Variants in INA observed in about 807,000 individuals in gnomAD.
The protein encoded by INA is alpha-internexin.
In INA, 35 loss-of-function variants were observed where a neutral mutation model predicts 40.1. The observed-to-expected ratio is 0.87, with a 90% CI of 0.67 to 1.16. The LOEUF is 1.16. Among genes scored for constraint, INA ranks in the 50% most tolerant of loss-of-function variants. The pLI is 0.00. For synonymous variants in INA, 290 were observed against 316.9 expected, an observed-to-expected ratio of 0.92 and a Z score of 0.90; for missense variants, 594 against 686.7, an observed-to-expected ratio of 0.87 and a Z score of 1.51.
In INA at chr10:103,278,567, C is replaced by T. The variant is rs1233998742; in HGVS notation, c.1065+291C>T. On this transcript the variant is annotated intron_variant, in intron 1 of 2. Coordinates refer to ENST00000369849, the MANE Select transcript of INA (RefSeq NM_032727.4). The surrounding 1 kb of genome is among the most constrained non-coding windows in gnomAD (Gnocchi z 4.9). ...CTGTCAGCAAGCGGGCCTACACACA[C>T]CGGCGACCCGGAGAACAGTGCCCCA... 6.6e-6 allele frequency among the ~76,000 whole-genome samples: 1 copy of T among 152,220 alleles called. No homozygotes were observed. The highest frequency in any genetic ancestry group is 1.5e-5 in the Non-Finnish European group (1 of 68,046).
Position 103,277,242 on chromosome 10 carries a change from T to G in INA, c.31T>G (p.Ser11Ala). ...CTTCGGCTCGGAGCACTACCTGTGC[T>G]CCTCCTCCTCCTACCGCAAGGTGTT... MSFGSEHYLC[S>A]SSSYRKVFGD... is the part of the protein sequence containing the mutation. The change falls in exon 1 of 3, where the codon TCC (serine) becomes GCC (alanine). Residue 11 changes from serine to alanine, a missense_variant. Ser to Ala is a moderately conservative substitution (Grantham distance 99). Around this residue, in one of 2 missense-constraint regions of INA, gnomAD observed 215 missense variants for 190.6 expected, o/e 1.13. Coordinates refer to ENST00000369849, the MANE Select transcript of INA (RefSeq NM_032727.4). This position sits in a 1 kb window ranked among gnomAD's most constrained non-coding sequence, Gnocchi z 5.6. 1 of 1,583,796 alleles carries G rather than the reference T, an allele frequency of 6.3e-7. No homozygotes were observed. The highest frequency in any genetic ancestry group is 8.6e-7 in the Non-Finnish European group (1 of 1,168,596).
Position 103,277,176 on chromosome 10 carries a change from C to A in INA, c.-36C>A. 1 of 1,540,796 alleles carries A rather than the reference C, an allele frequency of 6.5e-7. No homozygotes were observed. The highest frequency in any genetic ancestry group is 8.7e-7 in the Non-Finnish European group (1 of 1,150,042). ...CACCTCTCCTTTCTTCTGTAGCTCG[C>A]GTTGAAGCCGCACGTCCGGCCCCGA... On this transcript the variant is annotated 5_prime_UTR_variant, in exon 1 of 3. Transcript: ENST00000369849. The surrounding 1 kb of genome is among the most constrained non-coding windows in gnomAD (Gnocchi z 5.6).
In INA at chr10:103,277,268, C is replaced by A. The variant is rs1344687968; in HGVS notation, c.57C>A (p.Phe19Leu). The A allele has an allele frequency of 6.3e-7, 1 of 1,592,194 alleles. No individual in the cohort carries two copies. The highest frequency in any genetic ancestry group is 1.7e-5 in the Admixed American group (1 of 59,044). The change falls in exon 1 of 3, where the codon TTC becomes TTA. Residue 19 changes from phenylalanine (F) to leucine (L), a missense_variant. Phe to Leu is a conservative substitution (Grantham distance 22). Transcript: ENST00000369849. The surrounding 1 kb of genome is among the most constrained non-coding windows in gnomAD (Gnocchi z 5.6). ...LCSSSSYRKV[F>L]GDGSRLSARL... is the part of the protein sequence containing the mutation. Reference sequence around the variant, plus strand: ...CCTCCTCCTCCTACCGCAAGGTGTTCGGGGATGGCTCTCGCCTGTCCGCCC... The same window carrying A: ...CCTCCTCCTCCTACCGCAAGGTGTTAGGGGATGGCTCTCGCCTGTCCGCCC...
At position 103,288,523 on chromosome 10, in the gene INA, G is replaced by A; in HGVS notation, c.1354G>A (p.Glu452Lys). The change falls in exon 3 of 3, where the codon GAG becomes AAG. Residue 452 changes from glutamate to lysine, a missense_variant. Glu to Lys is a moderately conservative substitution (Grantham distance 56). Around this residue, in one of 2 missense-constraint regions of INA, gnomAD observed 379 missense variants for 496.1 expected, o/e 0.76. Coordinates refer to ENST00000369849, the MANE Select transcript of INA (RefSeq NM_032727.4). Reference protein sequence around the residue: ...TGLSLKKEEEEEEASKVASKK... With the variant: ...TGLSLKKEEEKEEASKVASKK... ...GCTATCACTTAAGAAAGAGGAGGAG[G>A]AGGAGGAGGCATCTAAGGTAGCCTC... The A allele has an allele frequency of 1.2e-6, 2 of 1,613,886 alleles. No individual in the cohort carries two copies. The highest frequency in any genetic ancestry group is 1.7e-6 in the Non-Finnish European group (2 of 1,179,984).
rs2093070618 is a variant in INA, at chr10:103,280,664, C to T, written c.1065+2388C>T. 4.1e-6 allele frequency: 4 copies of T among 985,312 alleles called. No individual in the cohort carries two copies. In the South Asian group the frequency reaches 1.4e-4, roughly 35 times the overall value. The allele number at this position is 985,312 out of a possible 1,614,324, so 61.0% of individuals were successfully genotyped here. A position where few individuals can be genotyped will look rare whatever the true frequency, so the allele number is the denominator to read the frequency against. ...CTATTTAAGGAGAGAAAGCTTCTTA[C>T]ACTTTTGAAAGGGTAAAAAATGATT... is the stretch of plus-strand genomic sequence containing the variant. On this transcript the variant is annotated intron_variant, in intron 1 of 2. Transcript: ENST00000369849.
chr10:103,281,400 A>C (rs777724812), intron 1 of INA, among the ~76,000 whole-genome samples: 1 of 152,214 alleles, frequency 6.6e-6, no homozygotes, highest in Admixed American at 6.5e-5. Context: ...TCAGCAGTTC[A>C]CAGGTAGGGC....
At chr10:103,280,048 T>A in intron 1 of INA, 1 of 1,273,544 alleles carries the variant, frequency 7.9e-7, no homozygotes, top group East Asian at 5.6e-5. Context: ...CTTCTCCATT[T>A]TCTCTGCTTG....
Position 103,277,512 on chromosome 10 carries a change from C to T in INA, c.301C>T (p.Leu101Phe), listed in dbSNP as rs994747200. Residue 101 changes from leucine (L) to phenylalanine (F), a missense_variant, in exon 1 of 3, where the codon CTC (leucine) becomes TTC (phenylalanine). Around this residue, in one of 2 missense-constraint regions of INA, gnomAD observed 215 missense variants for 190.6 expected, o/e 1.13. Transcript: ENST00000369849. This position sits in a 1 kb window ranked among gnomAD's most constrained non-coding sequence, Gnocchi z 5.6. ...CAACGAGAAGGAGCAGCTGCAGGGC[C>T]TCAACGACCGCTTCGCCGTGTTCAT... ...RTNEKEQLQGLNDRFAVFIEK... is the reference protein window; with the variant it reads ...RTNEKEQLQGFNDRFAVFIEK... 6.3e-6 allele frequency: 10 copies of T among 1,588,514 alleles called. No homozygotes were observed. The highest frequency in any genetic ancestry group is 8.5e-6 in the Non-Finnish European group (10 of 1,170,954).
intron 1 of INA, chr10:103,279,901 A>T: frequency 7.8e-7 from 1 of 1,279,754 alleles, no homozygotes; most frequent in Non-Finnish European, 1.0e-6. Context: ...GGCCTGAATT[A>T]ATCACATTTG....
rs1161757486 is a variant in INA at position 103,278,080 on chromosome 10, A to G, written c.869A>G (p.Lys290Arg). 6.2e-7 allele frequency: 1 copy of G among 1,613,552 alleles called. No homozygotes were observed. Among genetic ancestry groups the G allele is most frequent in the East Asian group, 2.2e-5 (1 of 44,868 alleles). The stretch of plus-strand genomic sequence containing the variant: ...TCCGCGGAAGAATGGTACAAGTCCA[A>G]GTTTGCCAACCTGAACGAGCAGGCG... ...LQSAEEWYKS[K>R]FANLNEQAAR... Residue 290 changes from lysine (K) to arginine (R), a missense_variant, in exon 1 of 3, where the codon AAG (lysine) becomes AGG (arginine). Around this residue, in one of 2 missense-constraint regions of INA, gnomAD observed 379 missense variants for 496.1 expected, o/e 0.76. Transcript: ENST00000369849. The surrounding 1 kb of genome is among the most constrained non-coding windows in gnomAD (Gnocchi z 4.9).
At chr10:103,280,879 G>C in intron 1 of INA, 1 of 985,436 alleles carries the variant, frequency 1.0e-6, no homozygotes, top group Non-Finnish European at 1.2e-6. Flanking sequence ...GGCACCATTA[G>C]AGTCCTAGTT....
Position 103,277,851 on chromosome 10 carries a change from GAGA to G in INA, c.646_648del (p.Lys216del), listed in dbSNP as rs1357531047. The G allele has an allele frequency of 6.5e-7, 1 of 1,547,570 alleles. No homozygotes were observed. The highest frequency in any genetic ancestry group is 8.7e-7 in the Non-Finnish European group (1 of 1,146,772). ...CGCCACGCTGGCCCGCCTGGACCTG[GAGA>G]AGAAGGTGGAGTCGCTGCTGGACGA... On this transcript the variant is annotated inframe_deletion, in exon 1 of 3. Coordinates refer to ENST00000369849, the MANE Select transcript of INA (RefSeq NM_032727.4). The surrounding 1 kb of genome is among the most constrained non-coding windows in gnomAD (Gnocchi z 5.6).
At chr10:103,279,922 A>C (rs908568569) in intron 1 of INA, 2 of 1,289,022 alleles carry the variant, frequency 1.6e-6, no homozygotes, top group African/African-American at 3.0e-5. Context: ...GCTAATTGAG[A>C]CTTCATTTTT....
intron 1 of INA, among the ~76,000 whole-genome samples, chr10:103,286,655 T>G (rs1224145726): frequency 6.6e-6 from 1 of 151,950 alleles, no homozygotes; most frequent in Admixed American, 6.6e-5. Context: ...ACAGAGTTAT[T>G]TAGCAGCAAC....
At chr10:103,280,062 T>C (rs984861537) in intron 1 of INA, 1 of 1,255,302 alleles carries the variant, frequency 8.0e-7, no homozygotes, top group South Asian at 1.3e-5. Context: ...CTGCTTGTTA[T>C]AGCCCATACA....
intron 1 of INA, among the ~76,000 whole-genome samples, chr10:103,281,440 C>G (rs968253789): frequency 1.3e-5 from 2 of 152,174 alleles, no homozygotes; most frequent in Admixed American, 6.5e-5. Context: ...AATAAAAGTG[C>G]TGCATCCTGT....
At chr10:103,284,612 G>C (rs1322333813) in intron 1 of INA, among the ~76,000 whole-genome samples, 1 of 151,982 alleles carries the variant, frequency 6.6e-6, no homozygotes, top group African/African-American at 2.4e-5. Context: ...AAATTAGCCA[G>C]GTGTGGTGGT....
In INA at chr10:103,278,340, C is replaced by G. The variant is rs1418995184; in HGVS notation, c.1065+64C>G. 2.0e-5 allele frequency: 26 copies of G among 1,292,124 alleles called. No individual in the cohort carries two copies. The allele number at this position is 1,292,124 out of a possible 1,614,324, so 80.0% of individuals were successfully genotyped here. A position where few individuals can be genotyped will look rare whatever the true frequency, so the allele number is the denominator to read the frequency against. ...CCTCTTCCGCGCGTACCCTCTTCCT[C>G]TGGTAAAACTGGGCCCCAGGACTTA... On this transcript the variant is annotated intron_variant, in intron 1 of 2. Transcript: ENST00000369849. This position sits in a 1 kb window ranked among gnomAD's most constrained non-coding sequence, Gnocchi z 4.9.
chr10:103,289,411 G>T lies in INA; in HGVS notation c.*742G>T, dbSNP rs925313397. The T allele has an allele frequency of 1.7e-3, 252 of 152,624 alleles. 3 individuals carry two copies. The highest frequency in any genetic ancestry group is 3.2e-4 in the Non-Finnish European group (22 of 68,010). 9.5% of individuals were successfully genotyped at this position (152,624 alleles called of 1,614,324 possible). ...AAAAATGGCAGTGATGAATTTTAAGGGTTTCCCCCAACATATAAAATAATG... is the reference window on the plus strand; with the variant it reads ...AAAAATGGCAGTGATGAATTTTAAGTGTTTCCCCCAACATATAAAATAATG... On this transcript the variant is annotated 3_prime_UTR_variant, in exon 3 of 3. Coordinates refer to ENST00000369849, the MANE Select transcript of INA (RefSeq NM_032727.4).
Sources: gnomAD v4.1 joint callset for allele counts (sites outside exome capture counted in the v4.1 genomes callset) on GRCh38, gnomAD v4.1.1 for gene constraint, gnomAD v4.1.1 regional missense constraint, Gnocchi (gnomAD v3.1) non-coding constraint, MANE v1.5 for transcripts, NCBI Gene and HGNC (gene_info 2026-07-23, HGNC 2026-07-21) for gene names.